XYLT1: variants seen among roughly 807,000 people sequenced by gnomAD.
The protein encoded by XYLT1 is beta-D-xylosyltransferase 1.
Under a neutral mutation model 91.3 loss-of-function variants are expected in XYLT1, and 36 were observed. That is an observed-to-expected ratio of 0.39 (90% CI 0.30 to 0.52). The LOEUF is 0.52. Among genes scored for constraint, XYLT1 ranks in the 20% least tolerant of loss-of-function variants. XYLT1 has a pLI of 0.68. For synonymous variants in XYLT1, 588 were observed against 532.0 expected, an observed-to-expected ratio of 1.11 and a Z score of -1.45; for missense variants, 1,242 against 1,284.5, an observed-to-expected ratio of 0.97 and a Z score of 0.51.
At chr16:17,408,094 A>G (rs2036056981) in intron 1 of XYLT1, among the ~76,000 whole-genome samples, 1 of 152,168 alleles carries the variant, frequency 6.6e-6, no homozygotes, top group African/African-American at 2.4e-5. Flanking sequence ...AAACCAAATA[A>G]ACTTTCTTTC....
At chr16:17,188,266 A>T (rs978408702) in intron 5 of XYLT1, among the ~76,000 whole-genome samples, 3 of 152,134 alleles carry the variant, frequency 2.0e-5, no homozygotes, top group African/African-American at 7.2e-5. Context: ...GGCAGCCAGT[A>T]CGATCTCTCA....
intron 1 of XYLT1, among the ~76,000 whole-genome samples, chr16:17,367,100 T>C (rs1263954191): frequency 6.6e-6 from 1 of 152,162 alleles, no homozygotes; most frequent in Non-Finnish European, 1.5e-5. Context: ...CTCACACTCA[T>C]TGTGGAGCAC....
intron 1 of XYLT1, among the ~76,000 whole-genome samples, chr16:17,425,107 A>T (rs8048022): frequency 0.52 from 78,667 of 152,004 alleles, 23,261 homozygotes; most frequent in African/African-American, 0.8. Context: ...ACGGTTCCCA[A>T]CACCAGGGTG....
chr16:17,119,457 G>T (rs1390977675), intron 10 of XYLT1, among the ~76,000 whole-genome samples: 1 of 152,226 alleles, frequency 6.6e-6, no homozygotes, highest in Non-Finnish European at 1.5e-5. Flanking sequence ...TCTCTAATGT[G>T]TGTGTGCACG....
chr16:17,228,500 G>A (rs879599752), intron 3 of XYLT1, among the ~76,000 whole-genome samples: 1 of 152,158 alleles, frequency 6.6e-6, no homozygotes, highest in African/African-American at 2.4e-5. Flanking sequence ...GGGCTGAGGG[G>A]AGGAGGTGAC....
At chr16:17,370,892 T>A (rs1434388556) in intron 1 of XYLT1, among the ~76,000 whole-genome samples, 1 of 152,120 alleles carries the variant, frequency 6.6e-6, no homozygotes, top group Non-Finnish European at 1.5e-5. Flanking sequence ...CTTAGAAGGG[T>A]CACAGGCCCT....
Position 17,392,819 on chromosome 16 carries a change from C to A in XYLT1, c.364-34769G>T, listed in dbSNP as rs9921606. The stretch of plus-strand genomic sequence containing the variant: ...CTAGAAATCATCCCCCACTGCCCAC[C>A]CTAAGACAAATGTATATTTGACGTT... On this transcript the variant is annotated intron_variant, in intron 1 of 11. Coordinates refer to ENST00000261381, the MANE Select transcript of XYLT1 (RefSeq NM_022166.4). 7.3e-3 allele frequency among the ~76,000 whole-genome samples: 1,108 copies of A among 152,230 alleles called. 12 individuals are homozygous for A. The highest frequency in any genetic ancestry group is 0.026 in the African/African-American group (1,064 of 41,530).
At chr16:17,433,500 T>C (rs1249943295) in intron 1 of XYLT1, among the ~76,000 whole-genome samples, 2 of 152,064 alleles carry the variant, frequency 1.3e-5, no homozygotes, top group Non-Finnish European at 2.9e-5. Context: ...GTGGCCATCT[T>C]CCCCCAGCCC....
intron 3 of XYLT1, among the ~76,000 whole-genome samples, chr16:17,204,576 C>T (rs200724144): frequency 2.6e-5 from 4 of 152,090 alleles, no homozygotes; most frequent in East Asian, 3.9e-4. Flanking sequence ...GGGAAGACAG[C>T]GAGTCAGGAG....
At chr16:17,459,761 G>C (rs1438025491) in intron 1 of XYLT1, among the ~76,000 whole-genome samples, 1 of 152,186 alleles carries the variant, frequency 6.6e-6, no homozygotes, top group Non-Finnish European at 1.5e-5. Flanking sequence ...CATGAGGGCA[G>C]GGTCACATCT....
intron 2 of XYLT1, among the ~76,000 whole-genome samples, chr16:17,321,155 G>T (rs937509800): frequency 6.6e-6 from 1 of 151,916 alleles, no homozygotes; most frequent in Non-Finnish European, 1.5e-5. Context: ...CTCCAGTGGG[G>T]CAGGCTGTAC....
chr16:17,379,763 T>TCTCTCTCACACA lies in XYLT1; in HGVS notation c.364-21714_364-21713insTGTGTGAGAGAG, dbSNP rs373354877. On this transcript the variant is annotated intron_variant, in intron 1 of 11. Transcript: ENST00000261381. ...CTCTCTCTCTCTCTCTCTCTCTCTC[T>TCTCTCTCACACA]CACACACACACACACACACACACAC... Among the ~76,000 whole-genome samples the TCTCTCTCACACA allele has an allele frequency of 6.4e-3, 798 of 125,532 alleles. 4 individuals are homozygous for TCTCTCTCACACA. The highest frequency in any genetic ancestry group is 0.012 in the African/African-American group (390 of 31,720). 82.4% of individuals were successfully genotyped at this position (125,532 alleles called of 152,430 possible).
rs549442203 is a variant in XYLT1 at position 17,186,340 on chromosome 16, T to G, written c.1289+11872A>C. On this transcript the variant is annotated intron_variant, in intron 5 of 11. Coordinates refer to ENST00000261381, the MANE Select transcript of XYLT1 (RefSeq NM_022166.4). ...CTGGTCTCAAACTCCTCACCTCAGG[T>G]GATCTGCCTGCCTTGGCCTCCCAAA... Among the ~76,000 whole-genome samples, 278 of 152,194 alleles carry G rather than the reference T, an allele frequency of 1.8e-3. 2 individuals are homozygous for G. Among genetic ancestry groups the G allele is most frequent in the Admixed American group, 3.5e-3 (54 of 15,288 alleles).
chr16:17,206,288 C>G (rs1177959036), intron 3 of XYLT1, among the ~76,000 whole-genome samples: 1 of 152,092 alleles, frequency 6.6e-6, no homozygotes, highest in Non-Finnish European at 1.5e-5. Flanking sequence ...TTTGTTAGAT[C>G]TGGGTGGGAG....
chr16:17,470,655 C>T lies in XYLT1; in HGVS notation c.142G>A (p.Gly48Ser), dbSNP rs112153162. ...LDSGAGERRG[G>S]AAVGGGEQPP... ...TGCTCCCCGCCGCCGACCGCTGCGC[C>T]CCCGCGGCGCTCCCCGGCCCCGGAG... Residue 48 changes from glycine (G) to serine (S), a missense_variant, in exon 1 of 12, where the codon GGC (glycine) becomes AGC (serine). Gly to Ser is a moderately conservative substitution (Grantham distance 56). This residue lies in a region of XYLT1 where 437 missense variants were observed against 411.5 expected (regional missense o/e 1.06). Coordinates refer to ENST00000261381, the MANE Select transcript of XYLT1 (RefSeq NM_022166.4). The T allele has an allele frequency of 8.8e-7, 1 of 1,132,646 alleles. No homozygotes were observed. Among genetic ancestry groups the T allele is most frequent in the Admixed American group, 3.4e-5 (1 of 29,452 alleles). The allele number at this position is 1,132,646 out of a possible 1,614,324, so 70.2% of individuals were successfully genotyped here.
intron 3 of XYLT1, among the ~76,000 whole-genome samples, chr16:17,248,511 C>T (rs1448129276): frequency 2.0e-5 from 3 of 152,108 alleles, no homozygotes; most frequent in African/African-American, 7.2e-5. Flanking sequence ...ACTTGGCCTA[C>T]GAGCAGATTA....
At chr16:17,432,054 C>G in intron 1 of XYLT1, among the ~76,000 whole-genome samples, 1 of 152,120 alleles carries the variant, frequency 6.6e-6, no homozygotes. Flanking sequence ...TTTAATAAAC[C>G]TCTTCACCAT....
intron 5 of XYLT1, among the ~76,000 whole-genome samples, chr16:17,184,279 T>C (rs762506469): frequency 7.4e-6 from 1 of 135,010 alleles, no homozygotes; most frequent in Non-Finnish European, 1.5e-5. Context: ...CACAGACACA[T>C]AGAGAGCCGC....
rs560178103 is a variant in XYLT1, at chr16:17,423,911, C to T, written c.363+46523G>A. 3.2e-4 allele frequency among the ~76,000 whole-genome samples: 48 copies of T among 152,304 alleles called. 1 individual carries two copies. The highest frequency in any genetic ancestry group is 1.1e-3 in the African/African-American group (46 of 41,562). ...TTATTTCATGAGATGACTACAGGCT[C>T]ATCATGCCACAGCAGTGGTGACCCA... On this transcript the variant is annotated intron_variant, in intron 1 of 11. Transcript: ENST00000261381.
Sources: gnomAD v4.1 joint callset for allele counts (sites outside exome capture counted in the v4.1 genomes callset) on GRCh38, gnomAD v4.1.1 for gene constraint, gnomAD v4.1.1 regional missense constraint, MANE v1.5 for transcripts, NCBI Gene and HGNC (gene_info 2026-07-23, HGNC 2026-07-21) for gene names.